The following FKBP5 variants were observed in gnomAD, a reference collection of about 807,000 sequenced individuals.
The protein encoded by FKBP5 is peptidyl-prolyl cis-trans isomerase FKBP5.
FKBP5 carries 23 observed loss-of-function variants against 50.5 expected under a neutral mutation model. That is an observed-to-expected ratio of 0.46 (90% confidence interval 0.33 to 0.65). FKBP5 has a LOEUF of 0.65. Ranked by LOEUF, FKBP5 falls within the 30% of genes least tolerant of loss-of-function variation. FKBP5 has a pLI of 0.02. For synonymous variants in FKBP5, 176 were observed against 190.6 expected, an observed-to-expected ratio of 0.92 and a Z score of 0.63; for missense variants, 411 against 553.1, an observed-to-expected ratio of 0.74 and a Z score of 2.58.
intron 6 of FKBP5, among the ~76,000 whole-genome samples, chr6:35,592,968 T>C (rs1438718376): frequency 6.6e-6 from 1 of 152,158 alleles, no homozygotes; most frequent in Non-Finnish European, 1.5e-5. Context: ...GCACCAAGTG[T>C]CCTATTATTG....
At chr6:35,707,014 A>G (rs1347665682) in intron 2 of FKBP5, among the ~76,000 whole-genome samples, 2 of 152,186 alleles carry the variant, frequency 1.3e-5, no homozygotes, top group Admixed American at 6.5e-5. Flanking sequence ...GTATAGTTAA[A>G]TGTAATTAAA....
intron 2 of FKBP5, among the ~76,000 whole-genome samples, chr6:35,694,074 A>G (rs528613844): frequency 1.3e-5 from 2 of 151,776 alleles, no homozygotes; most frequent in East Asian, 1.9e-4. Flanking sequence ...CCAGGGCCCA[A>G]AGGATCCTAC....
At chr6:35,699,719 C>T (rs532513018) in intron 2 of FKBP5, among the ~76,000 whole-genome samples, 3 of 152,206 alleles carry the variant, frequency 2.0e-5, no homozygotes, top group African/African-American at 7.2e-5. Flanking sequence ...AATGGTGAGG[C>T]AGGGAAGAGA....
intron 1 of FKBP5, among the ~76,000 whole-genome samples, chr6:35,678,657 A>G (rs760745697): frequency 1.3e-5 from 2 of 152,222 alleles, no homozygotes; most frequent in Non-Finnish European, 2.9e-5. Context: ...TCCAAAGTCA[A>G]TCTCTGAGCT....
intron 2 of FKBP5, 78 bp downstream of exon 2, chr6:35,642,642 A>T: frequency 9.2e-7 from 1 of 1,090,094 alleles, no homozygotes; most frequent in African/African-American, 1.6e-5. Context: ...TATCCACCCC[A>T]GCCCCCCTCA....
upstream of FKBP5, among the ~76,000 whole-genome samples, chr6:35,689,669 C>G (rs931529727): frequency 2.0e-5 from 3 of 152,010 alleles, no homozygotes; most frequent in African/African-American, 7.2e-5. Context: ...GGTGAAACCC[C>G]GTCTCTACTA....
At chr6:35,669,040 C>A (rs933186592) in intron 1 of FKBP5, among the ~76,000 whole-genome samples, 6 of 151,868 alleles carry the variant, frequency 4.0e-5, no homozygotes, top group Non-Finnish European at 8.8e-5. Context: ...ATTAACTTTT[C>A]AAAAAAAGTT....
Position 35,671,263 on chromosome 6 carries a change from C to CA in FKBP5, c.-20+17540dup, listed in dbSNP as rs760437984. Among the ~76,000 whole-genome samples, 410 of 128,998 alleles carry CA rather than the reference C, an allele frequency of 3.2e-3. 2 individuals are homozygous for CA. Among genetic ancestry groups the CA allele is most frequent in the East Asian group, 0.02 (90 of 4,534 alleles). The allele number at this position is 128,998 out of a possible 152,430, so 84.6% of individuals were successfully genotyped here. On this transcript the variant is annotated intron_variant, in intron 1 of 10. Transcript: ENST00000357266. The stretch of plus-strand genomic sequence containing the variant: ...TGGGTAAGAGAGTGCAATCCTGTCT[C>CA]AAAAAAAAAAAAAAATAATAAATAA...
chr6:35,598,177 T>TA (rs1248020454), intron 5 of FKBP5, among the ~76,000 whole-genome samples: 2 of 152,226 alleles, frequency 1.3e-5, no homozygotes, highest in Non-Finnish European at 2.9e-5. Flanking sequence ...TCTCATATTT[T>TA]AAGACAAAAT....
intron 2 of FKBP5, among the ~76,000 whole-genome samples, chr6:35,713,865 C>T (rs1766461521): frequency 6.6e-6 from 1 of 152,160 alleles, no homozygotes. Context: ...CAAATATTTT[C>T]TTGACTTCCT....
intron 8 of FKBP5, chr6:35,582,641 A>G: frequency 3.1e-6 from 3 of 982,552 alleles, no homozygotes; most frequent in Non-Finnish European, 3.6e-6. Flanking sequence ...GAAGCCACCC[A>G]GTGTATGGTA....
At chr6:35,586,838 G>A (rs1762614812) in intron 8 of FKBP5, 196 bp downstream of exon 8, 2 of 1,440,558 alleles carry the variant, frequency 1.4e-6, no homozygotes, top group Non-Finnish European at 9.1e-7. Context: ...TGTAAAAGAG[G>A]AATCTGTACT....
chr6:35,591,093 A>G, intron 7 of FKBP5, 37 bp downstream of exon 7: 1 of 1,364,660 alleles, frequency 7.3e-7, no homozygotes, highest in South Asian at 1.2e-5. Context: ...TGGAGAAGAA[A>G]CCTACCATAA....
At position 35,591,002 on chromosome 6, in the gene FKBP5, C is replaced by T. The variant is rs1017181834; in HGVS notation, c.756+128G>A. 3 of 562,778 alleles carry T rather than the reference C, an allele frequency of 5.3e-6. No individual in the cohort carries two copies. In the African/African-American group the frequency reaches 5.7e-5, roughly 11 times the overall value. 34.9% of individuals were successfully genotyped at this position (562,778 alleles called of 1,614,324 possible). ...TATTCTTCAGCAGCAGTGTTGGAGG[C>T]AAGAGACAAACTTGATAATGAATAA... On this transcript the variant is annotated intron_variant, in intron 7 of 10. Coordinates refer to ENST00000357266, the MANE Select transcript of FKBP5 (RefSeq NM_004117.4).
In FKBP5 at chr6:35,635,443, C is replaced by G. The variant is rs189730733; in HGVS notation, c.250+1571G>C. ...GCCGGCCCGGGTGACAGATCGAGAC[C>G]CTGTCTCAAAAAAAAAAGGCATTTG... On this transcript the variant is annotated intron_variant, in intron 3 of 10. Transcript: ENST00000357266. Among the ~76,000 whole-genome samples, 594 of 151,578 alleles carry G rather than the reference C, an allele frequency of 3.9e-3. 5 individuals are homozygous for G. The highest frequency in any genetic ancestry group is 0.011 in the African/African-American group (470 of 41,324).
intron 1 of FKBP5, among the ~76,000 whole-genome samples, chr6:35,673,474 T>G (rs1407402848): frequency 6.6e-6 from 1 of 151,676 alleles, no homozygotes; most frequent in African/African-American, 2.4e-5. Context: ...CGCTTGAGCC[T>G]GGGAAGGAGC....
At chr6:35,683,363 G>A (rs1765734788) in intron 1 of FKBP5, among the ~76,000 whole-genome samples, 2 of 151,928 alleles carry the variant, frequency 1.3e-5, no homozygotes, top group African/African-American at 4.8e-5. Context: ...TGTTGCCCAG[G>A]CTGGTCTCTA....
intron 7 of FKBP5, among the ~76,000 whole-genome samples, chr6:35,590,383 T>C (rs1762777698): frequency 6.6e-6 from 1 of 151,942 alleles, no homozygotes; most frequent in Non-Finnish European, 1.5e-5. Flanking sequence ...GTCCTTGAGC[T>C]CCACAAAGGG....
Position 35,622,341 on chromosome 6 carries a change from T to C in FKBP5, c.251-2067A>G, listed in dbSNP as rs142340749. Among the ~76,000 whole-genome samples the C allele has an allele frequency of 1.3e-4, 20 of 152,144 alleles. No homozygotes were observed. The East Asian group carries it at 3.3e-3, about 25-fold the overall frequency. ...GCCAGGGCAACATAGTGAAACTCCA[T>C]CTCTACAAAAATTTAAAAAATTAGT... On this transcript the variant is annotated intron_variant, in intron 3 of 10. Coordinates refer to ENST00000357266, the MANE Select transcript of FKBP5 (RefSeq NM_004117.4).
Sources: allele counts gnomAD v4.1 joint callset (sites outside exome capture counted in the v4.1 genomes callset), GRCh38; gene constraint gnomAD v4.1.1; transcripts MANE v1.5; gene names NCBI Gene and HGNC (gene_info 2026-07-23, HGNC 2026-07-21).